The following HTR1F variants were observed in gnomAD, a reference collection of about 807,000 sequenced individuals.
The protein encoded by HTR1F is 5-hydroxytryptamine (serotonin) receptor 1F, G protein-coupled.
A neutral mutation model predicts 24.0 loss-of-function variants in HTR1F; 17 were observed. That is an observed-to-expected ratio of 0.71 (90% CI 0.48 to 1.06). The LOEUF (loss-of-function observed/expected upper bound fraction) is 1.06. Ranked by LOEUF, HTR1F falls within the 50% of genes least tolerant of loss-of-function variation. The pLI, the probability that HTR1F is intolerant of heterozygous loss-of-function variation, is 0.00. For synonymous variants in HTR1F, 186 were observed against 156.8 expected (o/e 1.19, Z -1.39); for missense variants, 391 against 427.8 (o/e 0.91, Z 0.76).
intron 2 of HTR1F, among the ~76,000 whole-genome samples, chr3:87,940,365 C>A (rs1704539097): frequency 6.6e-6 from 1 of 152,090 alleles, no homozygotes; most frequent in Non-Finnish European, 1.5e-5. Flanking sequence ...AATAGACAAA[C>A]AGGGAGCCAA....
At chr3:87,836,850 A>G (rs1320341531) in intron 2 of HTR1F, among the ~76,000 whole-genome samples, 1 of 152,066 alleles carries the variant, frequency 6.6e-6, no homozygotes, top group Non-Finnish European at 1.5e-5. Context: ...TTTGTACTTC[A>G]GTATTTACTT....
Position 87,842,254 on chromosome 3 carries a change from C to T in HTR1F, c.-43+20130C>T, listed in dbSNP as rs187739338. ...TCAGCTCACTGCATTCTCCACCTCC[C>T]GGGTTTAAGCAATTCTCTGCCTCAG... On this transcript the variant is annotated intron_variant, in intron 2 of 2. Transcript: ENST00000319595. Among the ~76,000 whole-genome samples, 396 of 151,760 alleles carry T rather than the reference C, an allele frequency of 2.6e-3. 7 individuals are homozygous for T. The East Asian group carries it at 0.039, about 15-fold the overall frequency.
chr3:87,923,481 G>C (rs1447700873), intron 2 of HTR1F, among the ~76,000 whole-genome samples: 1 of 151,632 alleles, frequency 6.6e-6, no homozygotes, highest in Non-Finnish European at 1.5e-5. Flanking sequence ...TTCATTGCTA[G>C]ATATTTTTGT....
intron 1 of HTR1F, among the ~76,000 whole-genome samples, chr3:87,804,226 T>C (rs181947455): frequency 2.7e-4 from 41 of 152,298 alleles, no homozygotes; most frequent in Non-Finnish European, 5.0e-4. Context: ...TTTATTTTAA[T>C]AACATTTTCT....
chr3:87,842,301 T>C (rs1437331794), intron 2 of HTR1F, among the ~76,000 whole-genome samples: 2 of 151,510 alleles, frequency 1.3e-5, no homozygotes, highest in South Asian at 2.1e-4. Context: ...GCTGGGATTA[T>C]AGGCGCCCAC....
At chr3:87,809,729 T>G (rs1704129717) in intron 1 of HTR1F, among the ~76,000 whole-genome samples, 1 of 152,042 alleles carries the variant, frequency 6.6e-6, no homozygotes, top group African/African-American at 2.4e-5. Flanking sequence ...TTATGCTTAT[T>G]TGTATGTTAT....
intron 2 of HTR1F, among the ~76,000 whole-genome samples, chr3:87,913,941 C>A (rs1703834878): frequency 6.6e-6 from 1 of 152,098 alleles, no homozygotes; most frequent in South Asian, 2.1e-4. Flanking sequence ...TGAATTTTTG[C>A]TCCACAACAA....
intron 2 of HTR1F, among the ~76,000 whole-genome samples, chr3:87,836,428 G>T (rs1298501392): frequency 6.6e-6 from 1 of 152,014 alleles, no homozygotes; most frequent in Non-Finnish European, 1.5e-5. Context: ...TTTGTTTCAC[G>T]TTGAGTCACA....
intron 2 of HTR1F, among the ~76,000 whole-genome samples, chr3:87,940,355 A>C (rs1488946332): frequency 6.6e-6 from 1 of 152,244 alleles, no homozygotes; most frequent in Admixed American, 6.5e-5. Context: ...ATACACAAAT[A>C]ATAGACAAAC....
At chr3:87,872,387 C>G (rs944525601) in intron 2 of HTR1F, among the ~76,000 whole-genome samples, 1 of 151,788 alleles carries the variant, frequency 6.6e-6, no homozygotes, top group Non-Finnish European at 1.5e-5. Flanking sequence ...TAAGAACAAA[C>G]TAAACTCACA....
chr3:87,899,780 G>A (rs776742789), intron 2 of HTR1F, among the ~76,000 whole-genome samples: 6 of 152,104 alleles, frequency 3.9e-5, no homozygotes, highest in African/African-American at 7.2e-5. Context: ...CAGGAGAATC[G>A]CTTGAACCAG....
At chr3:87,794,748 AG>A (rs1703875444) in intron 1 of HTR1F, among the ~76,000 whole-genome samples, 1 of 152,194 alleles carries the variant, frequency 6.6e-6, no homozygotes, top group Non-Finnish European at 1.5e-5. Context: ...TTGCCGCATT[AG>A]CCAAATTTTA....
intron 2 of HTR1F, among the ~76,000 whole-genome samples, chr3:87,967,597 GGGTA>G (rs1454720257): frequency 7.5e-6 from 1 of 133,980 alleles, no homozygotes. Flanking sequence ...GGGGGGGGGT[GGGTA>G]GGTCTTTCCT....
At position 87,966,023 on chromosome 3, in the gene HTR1F, G is replaced by T. The variant is rs566633705; in HGVS notation, c.-42-24685G>T. 3.9e-5 allele frequency among the ~76,000 whole-genome samples: 6 copies of T among 152,200 alleles called. No homozygotes were observed. In the South Asian group the frequency reaches 1.2e-3, roughly 32 times the overall value. On this transcript the variant is annotated intron_variant, in intron 2 of 2. Coordinates refer to ENST00000319595, the MANE Select transcript of HTR1F (RefSeq NM_001322209.2). Reference sequence around the variant, plus strand: ...TTAGAAGAGTCTCTTATTGCATTCAGACTACTATAACAAAATTCCAAAAAC... The same window carrying T: ...TTAGAAGAGTCTCTTATTGCATTCATACTACTATAACAAAATTCCAAAAAC...
chr3:87,967,565 C>T (rs559854869), intron 2 of HTR1F, among the ~76,000 whole-genome samples: 48 of 126,192 alleles, frequency 3.8e-4, no homozygotes, highest in African/African-American at 1.2e-3. Flanking sequence ...TAGAGAGATC[C>T]GGTGGGAGGT....
chr3:87,925,694 A>T (rs1220073940), intron 2 of HTR1F, among the ~76,000 whole-genome samples: 1 of 151,894 alleles, frequency 6.6e-6, no homozygotes, highest in Non-Finnish European at 1.5e-5. Context: ...AGCCACTTGG[A>T]CTCCAGGGAT....
chr3:87,874,091 G>A (rs1304820228), intron 2 of HTR1F, among the ~76,000 whole-genome samples: 2 of 152,016 alleles, frequency 1.3e-5, no homozygotes, highest in African/African-American at 4.8e-5. Flanking sequence ...CCACTTTCAT[G>A]ACTTCTATTC....
chr3:87,927,385 T>G (rs1470993644), intron 2 of HTR1F, among the ~76,000 whole-genome samples: 2 of 152,162 alleles, frequency 1.3e-5, no homozygotes, highest in Admixed American at 6.6e-5. Flanking sequence ...TCTTAATATT[T>G]TAAAAATATG....
chr3:87,810,611 T>C (rs750990382), intron 1 of HTR1F, among the ~76,000 whole-genome samples: 62 of 152,312 alleles, frequency 4.1e-4, no homozygotes, highest in Admixed American at 9.8e-4. Context: ...TTCCATCCTC[T>C]GTGGCTTCCA....
Sources: allele counts gnomAD v4.1 joint callset (sites outside exome capture counted in the v4.1 genomes callset), GRCh38; gene constraint gnomAD v4.1.1; transcripts MANE v1.5; gene names NCBI Gene and HGNC (gene_info 2026-07-23, HGNC 2026-07-21).